HIP1: variants seen among roughly 807,000 people sequenced by gnomAD.
HIP1 encodes huntingtin-interacting protein 1.
A neutral mutation model predicts 147.6 loss-of-function variants in HIP1; 65 were observed. The ratio of observed to expected loss-of-function variants is 0.44; its 90% CI spans 0.36 to 0.54. The LOEUF is 0.54. HIP1 is among the 20% of genes least tolerant of loss of function. The pLI, the probability that HIP1 is intolerant of heterozygous loss-of-function variation, is 0.00. For synonymous variants in HIP1, 479 were observed against 504.0 expected (o/e 0.95, Z 0.67); for missense variants, 1,061 against 1,299.6 (o/e 0.82, Z 2.82).
chr7:75,706,459 T>C (rs1453476324), intron 1 of HIP1, among the ~76,000 whole-genome samples: 6 of 146,986 alleles, frequency 4.1e-5, no homozygotes, highest in Non-Finnish European at 5.9e-5. Flanking sequence ...TTATTGGCCA[T>C]TTGTATATAT....
intron 9 of HIP1, among the ~76,000 whole-genome samples, chr7:75,567,410 T>A (rs1169871616): frequency 6.6e-6 from 1 of 151,500 alleles, no homozygotes; most frequent in Non-Finnish European, 1.5e-5. Context: ...TTCTTCTATA[T>A]GCTTCTATGG....
At chr7:75,682,670 G>T (rs1001405335) in intron 1 of HIP1, among the ~76,000 whole-genome samples, 1 of 152,086 alleles carries the variant, frequency 6.6e-6, no homozygotes, top group Non-Finnish European at 1.5e-5. Context: ...TTTTAGTTGC[G>T]TATGCAGGTC....
chr7:75,714,128 C>T (rs978380380), intron 1 of HIP1, among the ~76,000 whole-genome samples: 4 of 151,860 alleles, frequency 2.6e-5, no homozygotes, highest in Non-Finnish European at 4.4e-5. Flanking sequence ...CAACCTCTGC[C>T]TCCCGGGTTT....
At chr7:75,668,363 C>A (rs557083321) in intron 1 of HIP1, among the ~76,000 whole-genome samples, 1 of 152,104 alleles carries the variant, frequency 6.6e-6, no homozygotes, top group Non-Finnish European at 1.5e-5. Flanking sequence ...TCACTCTTGT[C>A]GCCCAGGCTG....
chr7:75,663,464 G>A (rs1049970771), intron 1 of HIP1, among the ~76,000 whole-genome samples: 1 of 152,056 alleles, frequency 6.6e-6, no homozygotes, highest in African/African-American at 2.4e-5. Context: ...TCATCCTGGC[G>A]GCACTGCTCC....
intron 8 of HIP1, among the ~76,000 whole-genome samples, chr7:75,571,727 C>T (rs587653697): frequency 1.6e-4 from 24 of 152,132 alleles, no homozygotes; most frequent in Non-Finnish European, 2.5e-4. Flanking sequence ...GGACTACAGG[C>T]GCATGTCACC....
At chr7:75,618,833 C>T (rs1797750432) in intron 1 of HIP1, among the ~76,000 whole-genome samples, 1 of 151,926 alleles carries the variant, frequency 6.6e-6, no homozygotes, top group African/African-American at 2.4e-5. Flanking sequence ...AACCTGATGC[C>T]TCTCCCTTGA....
chr7:75,547,075 A>T (rs372134026), intron 24 of HIP1, 43 bp from the exon 25 acceptor site: 63 of 1,472,812 alleles, frequency 4.3e-5, no homozygotes, highest in Non-Finnish European at 5.5e-5. Flanking sequence ...ATCAAGATCC[A>T]AGATCAATGA....
chr7:75,706,623 ATTTTT>A (rs71082342), intron 1 of HIP1, among the ~76,000 whole-genome samples: 15 of 103,640 alleles, frequency 1.4e-4, no homozygotes, highest in African/African-American at 5.1e-4. Context: ...TCAACTCGTC[ATTTTT>A]TTTTTTTTTT....
chr7:75,676,771 C>T (rs1253692443), intron 1 of HIP1, among the ~76,000 whole-genome samples: 1 of 109,444 alleles, frequency 9.1e-6, no homozygotes, highest in Non-Finnish European at 1.9e-5. Context: ...AATGAAACTC[C>T]ATCTCAAAGA....
chr7:75,551,785 G>T (rs1241060416), intron 22 of HIP1, among the ~76,000 whole-genome samples: 1 of 152,110 alleles, frequency 6.6e-6, no homozygotes, highest in African/African-American at 2.4e-5. Context: ...GCCCAGGCTG[G>T]TCTCAAATTC....
intron 1 of HIP1, among the ~76,000 whole-genome samples, chr7:75,618,273 T>C (rs1244538905): frequency 6.6e-6 from 1 of 152,078 alleles, no homozygotes; most frequent in Non-Finnish European, 1.5e-5. Context: ...CACCTTAGCC[T>C]CCCGAGTGGC....
chr7:75,729,015 A>C (rs1423635544), intron 1 of HIP1, among the ~76,000 whole-genome samples: 1 of 151,726 alleles, frequency 6.6e-6, no homozygotes, highest in South Asian at 2.1e-4. Flanking sequence ...TCATACCCCA[A>C]AACTCAGTGA....
chr7:75,702,167 A>G (rs1165824539), intron 1 of HIP1, among the ~76,000 whole-genome samples: 2 of 150,946 alleles, frequency 1.3e-5, no homozygotes, highest in Non-Finnish European at 3.0e-5. Context: ...CTGGAATGCA[A>G]TGGCACGATC....
chr7:75,563,379 A>T (rs925233169), intron 9 of HIP1, 116 bp from the exon 10 acceptor site: 2 of 809,780 alleles, frequency 2.5e-6, no homozygotes, highest in Non-Finnish European at 4.2e-6. Context: ...CAGGCTGTCA[A>T]GGAGATAAAC....
Position 75,566,857 on chromosome 7 carries a change from C to T in HIP1, c.803+1342G>A, listed in dbSNP as rs587732539. Among the ~76,000 whole-genome samples the T allele has an allele frequency of 4.6e-5, 7 of 151,398 alleles. No individual in the cohort carries two copies. In the South Asian group the frequency reaches 1.0e-3, roughly 22 times the overall value. ...TGGGGAGGGGCTGGGCACAGTGACT[C>T]GCGCCGGTAATCCCATCACTTTGGG... is the stretch of plus-strand genomic sequence containing the variant. On this transcript the variant is annotated intron_variant, in intron 9 of 30. Coordinates refer to ENST00000336926, the MANE Select transcript of HIP1 (RefSeq NM_005338.7).
At chr7:75,613,307 A>C (rs897608569) in intron 1 of HIP1, among the ~76,000 whole-genome samples, 2 of 152,128 alleles carry the variant, frequency 1.3e-5, no homozygotes, top group African/African-American at 2.4e-5. Flanking sequence ...AAAGCCAAAC[A>C]GAGCGTCCCC....
chr7:75,586,975 C>T, intron 4 of HIP1, 142 bp from the exon 5 acceptor site: 1 of 634,802 alleles, frequency 1.6e-6, no homozygotes, highest in Non-Finnish European at 2.8e-6. Flanking sequence ...GGGTCTAGCT[C>T]TGTTGCCCAG....
In HIP1 at chr7:75,552,496, C is replaced by T. The variant is rs1051188008; in HGVS notation, c.2295+957G>A. ...TCCCGAGTAGCTGGGACTACAGGTG[C>T]GTGACATCACACCTGTCTAATTAAA... On this transcript the variant is annotated intron_variant, in intron 22 of 30. Coordinates refer to ENST00000336926, the MANE Select transcript of HIP1 (RefSeq NM_005338.7). Among the ~76,000 whole-genome samples the T allele has an allele frequency of 5.3e-5, 8 of 150,328 alleles. No homozygotes were observed. In the East Asian group the frequency reaches 7.7e-4, roughly 15 times the overall value.
Sources: gnomAD v4.1 joint callset for allele counts (sites outside exome capture counted in the v4.1 genomes callset) on GRCh38, gnomAD v4.1.1 for gene constraint, MANE v1.5 for transcripts, NCBI Gene and HGNC (gene_info 2026-07-23, HGNC 2026-07-21) for gene names.